Variants in CCDC88C observed in about 807,000 individuals in gnomAD.
CCDC88C encodes the protein protein Daple.
Under a neutral mutation model 198.8 loss-of-function variants are expected in CCDC88C, and 131 were observed. The ratio of observed to expected loss-of-function variants is 0.66; its 90% CI spans 0.57 to 0.76. The LOEUF is 0.76. CCDC88C is among the 30% of genes least tolerant of loss of function. CCDC88C has a pLI of 0.00. For missense variants in CCDC88C, 2,553 were observed against 2,631.6 expected, an observed-to-expected ratio of 0.97 and a Z score of 0.65; for synonymous variants, 1,166 against 1,114.7, an observed-to-expected ratio of 1.05 and a Z score of -0.92.
chr14:91,304,705 C>T (rs1245951878), intron 19 of CCDC88C, among the ~76,000 whole-genome samples: 1 of 152,116 alleles, frequency 6.6e-6, no homozygotes, highest in African/African-American at 2.4e-5. Flanking sequence ...ATTTGTATAC[C>T]TCTCCATCCA....
chr14:91,354,648 G>T (rs1319216323), intron 4 of CCDC88C, among the ~76,000 whole-genome samples: 1 of 152,134 alleles, frequency 6.6e-6, no homozygotes, highest in Non-Finnish European at 1.5e-5. Flanking sequence ...CCTGTCAGGG[G>T]CCCCAGCTTG....
At position 91,313,531 on chromosome 14, in the gene CCDC88C, T is replaced by C; in HGVS notation, c.2285A>G (p.Gln762Arg). 1 of 1,609,978 alleles carries C rather than the reference T, an allele frequency of 6.2e-7. No individual in the cohort carries two copies. The highest frequency in any genetic ancestry group is 8.5e-7 in the Non-Finnish European group (1 of 1,179,870). The part of the protein sequence containing the change: ...KKSERLELSY[Q>R]SVSAENLRLQ... ...CCGGAGGTTCTCAGCGCTCACGCTC[T>C]GGTAGCTGAGCTCCAGGCGCTCTGA... The change falls in exon 15 of 30, where the codon CAG becomes CGG. Residue 762 changes from glutamine (Q) to arginine (R), a missense_variant. Transcript: ENST00000389857. This position sits in a 1 kb window ranked among gnomAD's most constrained non-coding sequence, Gnocchi z 5.2.
At chr14:91,367,394 G>A (rs1033287616) in intron 3 of CCDC88C, among the ~76,000 whole-genome samples, 1 of 152,198 alleles carries the variant, frequency 6.6e-6, no homozygotes, top group Non-Finnish European at 1.5e-5. Context: ...ACCCACACAC[G>A]CTAACAGTCA....
chr14:91,278,308 A>G, intron 28 of CCDC88C, 97 bp from the exon 29 acceptor site: 1 of 1,193,620 alleles, frequency 8.4e-7, no homozygotes, highest in Non-Finnish European at 1.1e-6. Flanking sequence ...ACTTCAAACT[A>G]TCAGAATAAA....
At chr14:91,310,462 A>C (rs1891770929) in intron 15 of CCDC88C, among the ~76,000 whole-genome samples, 1 of 152,072 alleles carries the variant, frequency 6.6e-6, no homozygotes, top group South Asian at 2.1e-4. Context: ...GCCTAGGCTG[A>C]AGTGCAGTGG....
intron 3 of CCDC88C, chr14:91,378,503 A>G (rs976124010): frequency 2.6e-5 from 4 of 152,472 alleles, no homozygotes; most frequent in African/African-American, 9.7e-5. Flanking sequence ...TGTAATAACC[A>G]CCTGCACACC....
chr14:91,337,962 T>C lies in CCDC88C; in HGVS notation c.1050+43A>G, dbSNP rs1596084987. 3 of 1,601,918 alleles carry C rather than the reference T, an allele frequency of 1.9e-6. No individual in the cohort carries two copies. In the East Asian group the frequency reaches 6.7e-5, roughly 36 times the overall value. Reference sequence around the variant, plus strand: ...CAGTCTGAATGTGCTTCTCAGGAATTTCCAGCAGCCCCATCCAGGGGCCTC... The same window carrying C: ...CAGTCTGAATGTGCTTCTCAGGAATCTCCAGCAGCCCCATCCAGGGGCCTC... On this transcript the variant is annotated intron_variant, in intron 10 of 29. Transcript: ENST00000389857.
rs764772256 is a variant in CCDC88C at position 91,313,707 on chromosome 14, G to A, written c.2109C>T (p.Asp703=). ...GCCTGCGCAGCTCCAGGTTCTCTGC[G>A]TCCAGCTGCTTGTTGTCACGCTCCA... ...EGLERDNKQL[D]AENLELRRLV... is the part of the protein sequence containing the mutation. The change falls in exon 15 of 30, where the codon GAC becomes GAT. Residue 703 remains aspartate, a synonymous_variant. Coordinates refer to ENST00000389857, the MANE Select transcript of CCDC88C (RefSeq NM_001080414.4). The surrounding 1 kb of genome is among the most constrained non-coding windows in gnomAD (Gnocchi z 5.2). The A allele has an allele frequency of 8.7e-6, 14 of 1,610,894 alleles. No individual in the cohort carries two copies. Among genetic ancestry groups the A allele is most frequent in the Admixed American group, 5.0e-5 (3 of 60,008 alleles).
At chr14:91,282,763 G>A (rs1307606711) in intron 26 of CCDC88C, among the ~76,000 whole-genome samples, 1 of 152,122 alleles carries the variant, frequency 6.6e-6, no homozygotes, top group African/African-American at 2.4e-5. Flanking sequence ...CCAGTTCAGA[G>A]ACGCTATCCT....
chr14:91,313,181 A>C lies in CCDC88C; in HGVS notation c.2635T>G (p.Cys879Gly). ...SRALDKELAR[C>G]RDAAGKLKEL... ...TTCAGCTTGCCGGCTGCGTCCCTGC[A>C]GCGGGCCAGCTCCTTGTCCAGCGCG... The change falls in exon 15 of 30, where the codon TGC becomes GGC. Residue 879 changes from cysteine to glycine, a missense_variant. By Grantham distance (159) the Cys-to-Gly change is radical. Around this residue, in one of 2 missense-constraint regions of CCDC88C, gnomAD observed 1,260 missense variants for 1,412.0 expected, o/e 0.89. Coordinates refer to ENST00000389857, the MANE Select transcript of CCDC88C (RefSeq NM_001080414.4). The surrounding 1 kb of genome is among the most constrained non-coding windows in gnomAD (Gnocchi z 5.2). The C allele has an allele frequency of 6.2e-7, 1 of 1,612,964 alleles. No homozygotes were observed. Among genetic ancestry groups the C allele is most frequent in the Non-Finnish European group, 8.5e-7 (1 of 1,179,228 alleles).
intron 10 of CCDC88C, among the ~76,000 whole-genome samples, chr14:91,337,066 T>C (rs1255395564): frequency 6.6e-6 from 1 of 152,168 alleles, no homozygotes; most frequent in Non-Finnish European, 1.5e-5. Context: ...CAGCCCCCCT[T>C]GGAATAGGCA....
intron 3 of CCDC88C, among the ~76,000 whole-genome samples, chr14:91,397,652 C>T (rs1315606683): frequency 6.6e-6 from 1 of 152,212 alleles, no homozygotes; most frequent in Non-Finnish European, 1.5e-5. Flanking sequence ...CCAGCTGCTC[C>T]CTGTTCCACC....
intron 26 of CCDC88C, among the ~76,000 whole-genome samples, chr14:91,283,025 G>A (rs1890260809): frequency 1.3e-5 from 2 of 152,228 alleles, no homozygotes; most frequent in African/African-American, 2.4e-5. Flanking sequence ...CCAAACTCTG[G>A]TTCTCAGCCC....
chr14:91,408,705 A>C lies in CCDC88C; in HGVS notation c.224T>G (p.Ile75Ser). 6.2e-7 allele frequency: 1 copy of C among 1,613,884 alleles called. No individual in the cohort carries two copies. Among genetic ancestry groups the C allele is most frequent in the Non-Finnish European group, 8.5e-7 (1 of 1,179,766 alleles). ...KHVNNDVNLR[I>S]QNLTILVRNI... ...TCTCACCAAGATGGTCAAATTCTGA[A>C]TGCGAAGGTTCACATCATTGTTGAC... The change falls in exon 3 of 30, where the codon ATT (isoleucine) becomes AGT (serine). Residue 75 changes from isoleucine to serine, a missense_variant. Ile to Ser is a moderately radical substitution (Grantham distance 142). Coordinates refer to ENST00000389857, the MANE Select transcript of CCDC88C (RefSeq NM_001080414.4).
chr14:91,373,261 T>C (rs1443982668), intron 3 of CCDC88C, among the ~76,000 whole-genome samples: 1 of 152,080 alleles, frequency 6.6e-6, no homozygotes, highest in African/African-American at 2.4e-5. Flanking sequence ...CAGTGCCCTA[T>C]GGTGGTCTGG....
At chr14:91,345,694 C>T (rs1168046675) in intron 4 of CCDC88C, among the ~76,000 whole-genome samples, 1 of 152,048 alleles carries the variant, frequency 6.6e-6, no homozygotes, top group East Asian at 1.9e-4. Flanking sequence ...TCAATCAGGC[C>T]AAAAATCCTG....
chr14:91,283,294 C>T (rs374283893), intron 26 of CCDC88C, 35 bp downstream of exon 26: 106 of 1,600,606 alleles, frequency 6.6e-5, no homozygotes, highest in African/African-American at 6.0e-4. Context: ...ACACTAGGCC[C>T]GACGCTCATG....
At position 91,370,388 on chromosome 14, in the gene CCDC88C, C is replaced by T. The variant is rs564225720; in HGVS notation, c.271-10677G>A. 8.5e-5 allele frequency among the ~76,000 whole-genome samples: 13 copies of T among 152,324 alleles called. No homozygotes were observed. The East Asian group carries it at 2.3e-3, about 27-fold the overall frequency. ...CGCGTCCAGAAGAACTCAGGGAACC[C>T]GGCAGGGAGGGAACCAGAGGATGTT... On this transcript the variant is annotated intron_variant, in intron 3 of 29. Transcript: ENST00000389857.
intron 21 of CCDC88C, 86 bp downstream of exon 21, chr14:91,299,841 T>C: frequency 1.4e-6 from 2 of 1,423,172 alleles, no homozygotes; most frequent in Non-Finnish European, 1.8e-6. Flanking sequence ...GCCAGGGGAC[T>C]TGAACTTCTC....
Sources: allele counts gnomAD v4.1 joint callset (sites outside exome capture counted in the v4.1 genomes callset), GRCh38; gene constraint gnomAD v4.1.1; regional missense constraint gnomAD v4.1.1; non-coding constraint Gnocchi (gnomAD v3.1); transcripts MANE v1.5; gene names NCBI Gene and HGNC (gene_info 2026-07-23, HGNC 2026-07-21).